The following SLCO1A2 variants were observed in gnomAD, a reference collection of about 807,000 sequenced individuals.
SLCO1A2 encodes OATP-1.
A neutral mutation model predicts 69.0 loss-of-function variants in SLCO1A2; 67 were observed. The ratio of observed to expected loss-of-function variants is 0.97; its 90% confidence interval spans 0.80 to 1.19. SLCO1A2 has a LOEUF of 1.19. Ranked by LOEUF, SLCO1A2 falls within the 50% of genes most tolerant of loss-of-function variation. SLCO1A2 has a pLI of 0.00. For synonymous variants in SLCO1A2, 260 were observed against 265.9 expected, an observed-to-expected ratio of 0.98 and a Z score of 0.22; for missense variants, 787 against 793.7, an observed-to-expected ratio of 0.99 and a Z score of 0.10.
chr12:21,296,770 G>A (rs1056802040), intron 9 of SLCO1A2, among the ~76,000 whole-genome samples: 6 of 152,182 alleles, frequency 3.9e-5, no homozygotes, highest in South Asian at 2.1e-4. Context: ...AGAGCCCCAC[G>A]CCCTAGAGTC....
At chr12:21,397,159 A>T (rs1941498606), upstream of SLCO1A2, among the ~76,000 whole-genome samples, 4 of 152,186 alleles carry the variant, frequency 2.6e-5, 1 homozygote, top group South Asian at 8.3e-4. Context: ...ATAGGCTCAA[A>T]ATAAAAGGAT....
At chr12:21,365,502 C>G (rs956622703) in intron 2 of SLCO1A2, among the ~76,000 whole-genome samples, 2 of 152,126 alleles carry the variant, frequency 1.3e-5, no homozygotes, top group Admixed American at 6.5e-5. Flanking sequence ...GACTTTATGA[C>G]TAAAACACCA....
At chr12:21,400,790 C>T (rs1472896854) in intron 1 of SLCO1A2, among the ~76,000 whole-genome samples, 51 of 147,968 alleles carry the variant, frequency 3.4e-4, no homozygotes, top group Non-Finnish European at 2.7e-4. Context: ...AAAAACCAAA[C>T]ACCGTATATT....
chr12:21,385,843 C>A (rs1940850271), intron 1 of SLCO1A2, among the ~76,000 whole-genome samples: 1 of 152,162 alleles, frequency 6.6e-6, no homozygotes, highest in African/African-American at 2.4e-5. Flanking sequence ...CATCAGCCTT[C>A]TGAAAACAGT....
intron 2 of SLCO1A2, among the ~76,000 whole-genome samples, chr12:21,357,015 A>T (rs1477598987): frequency 6.6e-6 from 1 of 152,190 alleles, no homozygotes; most frequent in Non-Finnish European, 1.5e-5. Flanking sequence ...TAGTAAAAGA[A>T]ATAATTTCAC....
intron 1 of SLCO1A2, among the ~76,000 whole-genome samples, chr12:21,385,416 T>C (rs1940828069): frequency 1.3e-5 from 2 of 152,198 alleles, no homozygotes; most frequent in Non-Finnish European, 2.9e-5. Flanking sequence ...AATCTCTCAT[T>C]AAAAGACAAA....
At chr12:21,380,337 C>A (rs529094783) in intron 1 of SLCO1A2, among the ~76,000 whole-genome samples, 15 of 152,264 alleles carry the variant, frequency 9.9e-5, no homozygotes, top group African/African-American at 3.4e-4. Flanking sequence ...TGGTAGCATA[C>A]AATTCCCAGG....
chr12:21,276,421 C>CACAG (rs1555105395), intron 12 of SLCO1A2, among the ~76,000 whole-genome samples: 2 of 145,296 alleles, frequency 1.4e-5, no homozygotes, highest in South Asian at 4.2e-4. Flanking sequence ...CACACACACA[C>CACAG]ACAGACCTAT....
rs78478492 is a variant in SLCO1A2 at position 21,333,770 on chromosome 12, T to A, written c.60+818A>T. On this transcript the variant is annotated intron_variant, in intron 2 of 14. Transcript: ENST00000683939. ...ATCCTATAAGGTGGGAATGTTGCTA[T>A]TACCCTTTTCAGATGAGAAAACTGA... is the stretch of plus-strand genomic sequence containing the variant. Among the ~76,000 whole-genome samples the A allele has an allele frequency of 4.2e-3, 640 of 152,248 alleles. 8 individuals carry two copies. The highest frequency in any genetic ancestry group is 0.015 in the African/African-American group (616 of 41,572).
At chr12:21,395,858 C>G (rs1289877045), upstream of SLCO1A2, among the ~76,000 whole-genome samples, 1 of 151,894 alleles carries the variant, frequency 6.6e-6, no homozygotes, top group Non-Finnish European at 1.5e-5. Context: ...ACATCCACAC[C>G]AAAAACCCAT....
chr12:21,357,786 A>G (rs928666355), intron 2 of SLCO1A2, among the ~76,000 whole-genome samples: 1 of 152,190 alleles, frequency 6.6e-6, no homozygotes, highest in Non-Finnish European at 1.5e-5. Flanking sequence ...TGTCTGAAAC[A>G]AGATCTCAGG....
chr12:21,367,398 C>T (rs1028202926), intron 2 of SLCO1A2, among the ~76,000 whole-genome samples: 4 of 151,920 alleles, frequency 2.6e-5, no homozygotes, highest in Admixed American at 6.6e-5. Flanking sequence ...AAAACAACTA[C>T]GTAGCAATCC....
At chr12:21,377,850 T>C (rs1049205516) in intron 1 of SLCO1A2, among the ~76,000 whole-genome samples, 1 of 152,200 alleles carries the variant, frequency 6.6e-6, no homozygotes, top group Non-Finnish European at 1.5e-5. Context: ...TATTTTTAAA[T>C]TTCTTCATAT....
intron 2 of SLCO1A2, among the ~76,000 whole-genome samples, chr12:21,348,320 A>G (rs948627434): frequency 1.3e-5 from 2 of 152,190 alleles, no homozygotes; most frequent in Non-Finnish European, 2.9e-5. Flanking sequence ...CTGTTGTACT[A>G]TCAAATAGTG....
At chr12:21,304,332 T>C in intron 6 of SLCO1A2, 95 bp downstream of exon 6, 1 of 1,001,720 alleles carries the variant, frequency 1.0e-6, no homozygotes, top group Non-Finnish European at 1.5e-6. Context: ...TACTCATCAT[T>C]GTGGAAATCA....
chr12:21,380,611 G>A (rs1940523909), intron 1 of SLCO1A2, among the ~76,000 whole-genome samples: 1 of 152,150 alleles, frequency 6.6e-6, no homozygotes, highest in Non-Finnish European at 1.5e-5. Flanking sequence ...ATTACTGCCA[G>A]GGAGCTTACT....
At chr12:21,407,287 C>G (rs971131524) in intron 1 of SLCO1A2, among the ~76,000 whole-genome samples, 1 of 152,102 alleles carries the variant, frequency 6.6e-6, no homozygotes, top group African/African-American at 2.4e-5. Flanking sequence ...TGGAAGGAAA[C>G]AAGCTTGGCA....
chr12:21,408,849 T>C (rs1243573058), intron 1 of SLCO1A2, among the ~76,000 whole-genome samples: 8 of 152,164 alleles, frequency 5.3e-5, no homozygotes, highest in Admixed American at 4.6e-4. Context: ...GAGAAACTTA[T>C]GTCCAAAGAC....
At chr12:21,358,861 C>T (rs1318905598) in intron 2 of SLCO1A2, among the ~76,000 whole-genome samples, 1 of 152,064 alleles carries the variant, frequency 6.6e-6, no homozygotes, top group Non-Finnish European at 1.5e-5. Flanking sequence ...AACATGTAAT[C>T]TATACTTCAT....
Sources: allele counts gnomAD v4.1 joint callset (sites outside exome capture counted in the v4.1 genomes callset), GRCh38; gene constraint gnomAD v4.1.1; transcripts MANE v1.5; gene names NCBI Gene and HGNC (gene_info 2026-07-23, HGNC 2026-07-21).